RPN1: variants seen among roughly 807,000 people sequenced by gnomAD.
The protein encoded by RPN1 is dolichyl-diphosphooligosaccharide--protein glycosyltransferase subunit 1.
RPN1 carries 12 observed loss-of-function variants against 55.5 expected under a neutral mutation model. The ratio of observed to expected loss-of-function variants is 0.22; its 90% confidence interval spans 0.14 to 0.35. The LOEUF (loss-of-function observed/expected upper bound fraction) is 0.35, where lower values mean the gene tolerates loss of function less well. Among genes scored for constraint, RPN1 ranks in the 10% least tolerant of loss-of-function variants. The pLI is 1.00. For synonymous variants in RPN1, 317 were observed against 305.9 expected, an observed-to-expected ratio of 1.04 and a Z score of -0.38; for missense variants, 679 against 761.3, an observed-to-expected ratio of 0.89 and a Z score of 1.27.
intron 2 of RPN1, 37 bp from the exon 3 acceptor site, chr3:128,638,142 T>C (rs2069695210): frequency 5.3e-6 from 8 of 1,508,076 alleles, no homozygotes; most frequent in Non-Finnish European, 7.3e-6. Context: ...TAAGAGAGAC[T>C]GAGGATACTG....
intron 5 of RPN1, among the ~76,000 whole-genome samples, chr3:128,629,647 T>C (rs2069627444): frequency 6.6e-6 from 1 of 152,252 alleles, no homozygotes; most frequent in South Asian, 2.1e-4. Context: ...TTTTTTATTA[T>C]TCTCTGAATT....
At chr3:128,634,282 T>G (rs1184781550) in intron 3 of RPN1, among the ~76,000 whole-genome samples, 1 of 151,300 alleles carries the variant, frequency 6.6e-6, no homozygotes, top group African/African-American at 2.4e-5. Flanking sequence ...GAGCTGAGAT[T>G]GCACCACTAC....
At position 128,623,280 on chromosome 3, in the gene RPN1, T is replaced by TA. The variant is rs1197161456; in HGVS notation, c.1396-872dup. Among the ~76,000 whole-genome samples, 3 of 152,280 alleles carry TA rather than the reference T, an allele frequency of 2.0e-5. No individual in the cohort carries two copies. The East Asian group carries it at 5.8e-4, about 29-fold the overall frequency. On this transcript the variant is annotated intron_variant, in intron 8 of 9. Transcript: ENST00000296255. ...GGCCAGGTGCAGTGGCTCACACCTG[T>TA]AATCCCAACATTGTAGAAGGCCGAG...
intron 8 of RPN1, among the ~76,000 whole-genome samples, chr3:128,623,442 A>G (rs779575676): frequency 3.3e-5 from 5 of 152,116 alleles, no homozygotes; most frequent in East Asian, 1.9e-4. Context: ...GGGAGCTGAG[A>G]TGGTAGGATC....
At chr3:128,633,257 A>AC (rs1645585007) in intron 3 of RPN1, among the ~76,000 whole-genome samples, 1 of 149,594 alleles carries the variant, frequency 6.7e-6, no homozygotes, top group South Asian at 2.1e-4. Context: ...AAACGGTCTC[A>AC]CTCTGTCACC....
At chr3:128,646,073 T>C (rs1289028067) in intron 1 of RPN1, among the ~76,000 whole-genome samples, 1 of 150,892 alleles carries the variant, frequency 6.6e-6, no homozygotes, top group Non-Finnish European at 1.5e-5. Context: ...TGAAACCCCA[T>C]CTCTACTAAA....
intron 8 of RPN1, among the ~76,000 whole-genome samples, chr3:128,624,559 T>C (rs1334728753): frequency 1.3e-5 from 2 of 151,800 alleles, no homozygotes; most frequent in Admixed American, 6.6e-5. Context: ...TCAACATCTT[T>C]GCTCACAGGT....
At chr3:128,625,731 G>T in intron 7 of RPN1, 78 bp from the exon 8 acceptor site, 1 of 1,597,360 alleles carries the variant, frequency 6.3e-7, no homozygotes, top group Non-Finnish European at 8.6e-7. Context: ...TGGCCCACTC[G>T]ACCTGCTGCC....
chr3:128,641,066 G>C (rs992439212), intron 2 of RPN1: 1 of 151,804 alleles, frequency 6.6e-6, no homozygotes, highest in Non-Finnish European at 1.5e-5. Context: ...AGACAACACA[G>C]AACTGTCTAA....
intron 9 of RPN1, among the ~76,000 whole-genome samples, 156 bp downstream of exon 9, chr3:128,622,008 C>T (rs2069563445): frequency 6.6e-6 from 1 of 152,220 alleles, no homozygotes; most frequent in Non-Finnish European, 1.5e-5. Context: ...CTTTTTCCTC[C>T]ACAAGGACTG....
intron 9 of RPN1, 130 bp downstream of exon 9, chr3:128,622,034 T>C (rs2107712616): frequency 1.1e-6 from 1 of 908,334 alleles, no homozygotes; most frequent in South Asian, 1.6e-5. Context: ...ACATGAAAAG[T>C]TATGGCCAGA....
chr3:128,623,778 G>A (rs1324032140), intron 8 of RPN1, among the ~76,000 whole-genome samples: 1 of 152,088 alleles, frequency 6.6e-6, no homozygotes, highest in Non-Finnish European at 1.5e-5. Flanking sequence ...CATTCTTTGA[G>A]GAAGAAGGCA....
chr3:128,638,960 C>T (rs1319310185), intron 2 of RPN1, among the ~76,000 whole-genome samples: 1 of 149,842 alleles, frequency 6.7e-6, no homozygotes, highest in Non-Finnish European at 1.5e-5. Flanking sequence ...AGAGAGACTC[C>T]ATCTCAAAAA....
chr3:128,631,471 T>A (rs2069641344), intron 4 of RPN1, among the ~76,000 whole-genome samples: 1 of 129,028 alleles, frequency 7.8e-6, no homozygotes, highest in African/African-American at 3.0e-5. Flanking sequence ...AGAGCAAAAC[T>A]CCGTCTCAAG....
chr3:128,644,430 G>A (rs2069751372), intron 2 of RPN1: 1 of 297,444 alleles, frequency 3.4e-6, no homozygotes. Context: ...AACTGCTTGA[G>A]GACAGGAGTT....
At chr3:128,635,249 A>C (rs1159936274) in intron 3 of RPN1, among the ~76,000 whole-genome samples, 1 of 152,142 alleles carries the variant, frequency 6.6e-6, no homozygotes, top group African/African-American at 2.4e-5. Context: ...AAGCTAACAT[A>C]AATGGTTACC....
chr3:128,623,833 C>A (rs909420801), intron 8 of RPN1, among the ~76,000 whole-genome samples: 3 of 152,102 alleles, frequency 2.0e-5, no homozygotes, highest in African/African-American at 7.2e-5. Context: ...GCTGTTCTAC[C>A]AGATTTTTGG....
chr3:128,625,443 T>C, intron 8 of RPN1, 91 bp downstream of exon 8: 2 of 1,591,600 alleles, frequency 1.3e-6, no homozygotes, highest in Admixed American at 3.4e-5. Flanking sequence ...CATGGCGTCC[T>C]GCCCTGGGCT....
rs761651988 is a variant in RPN1 at position 128,625,917 on chromosome 3, G to C, written c.1232C>G (p.Ala411Gly). Residue 411 changes from alanine (A) to glycine (G), a missense_variant, in exon 7 of 10, where the codon GCC (alanine) becomes GGC (glycine). Physicochemically the swap from Ala to Gly is moderately conservative, Grantham distance 60 (BLOSUM62 0). Coordinates refer to ENST00000296255, the MANE Select transcript of RPN1 (RefSeq NM_002950.4). ...LDTFGRPVIVAYKKNLVEQHI... is the reference protein window; with the variant it reads ...LDTFGRPVIVGYKKNLVEQHI... ...CTGTTCTACCAGATTTTTCTTGTAG[G>C]CAACAATCACAGGGCGGCCAAATGT... 6.2e-7 allele frequency: 1 copy of C among 1,613,684 alleles called. No homozygotes were observed. The highest frequency in any genetic ancestry group is 8.5e-7 in the Non-Finnish European group (1 of 1,179,814).
Sources: gnomAD v4.1 joint callset for allele counts (sites outside exome capture counted in the v4.1 genomes callset) on GRCh38, gnomAD v4.1.1 for gene constraint, MANE v1.5 for transcripts, NCBI Gene and HGNC (gene_info 2026-07-23, HGNC 2026-07-21) for gene names.